Variants in GABRG3 observed in about 807,000 individuals in gnomAD.
GABRG3 encodes the protein gamma-aminobutyric acid type A receptor subunit gamma3, also known as gamma-aminobutyric acid receptor subunit gamma-3.
GABRG3 carries 25 observed loss-of-function variants against 48.8 expected under a neutral mutation model. The ratio of observed to expected loss-of-function variants is 0.51; its 90% CI spans 0.37 to 0.72. GABRG3 has a LOEUF of 0.72. Ranked by LOEUF, GABRG3 falls within the 30% of genes least tolerant of loss-of-function variation. The probability of loss-of-function intolerance (pLI) is 0.00; values close to 1 mark genes in which losing one functional copy is unlikely to be tolerated. For missense variants in GABRG3, 394 were observed against 577.9 expected (o/e 0.68, Z 3.26); for synonymous variants, 227 against 217.6 (o/e 1.04, Z -0.38).
chr15:27,514,927 AC>A (rs2150859874), intron 6 of GABRG3, among the ~76,000 whole-genome samples: 1 of 152,362 alleles, frequency 6.6e-6, no homozygotes, highest in African/African-American at 2.4e-5. Flanking sequence ...TAGAAGGAAA[AC>A]TAGGAGAAAA....
intron 3 of GABRG3, among the ~76,000 whole-genome samples, chr15:27,032,848 CTG>C (rs2140688395): frequency 6.6e-6 from 1 of 152,168 alleles, no homozygotes; most frequent in Admixed American, 6.5e-5. Flanking sequence ...CCTTGCCTCT[CTG>C]TAGGTCTGAG....
In GABRG3 at chr15:27,534,675, C is replaced by G. The variant is rs1159204587; in HGVS notation, c.*1794C>G. On this transcript the variant is annotated 3_prime_UTR_variant, in exon 10 of 10. Transcript: ENST00000615808. ...AAAAGTATCAATTTCACACAATGTC[C>G]TGGATGTATACCAGACACAGAAGAG... is the stretch of plus-strand genomic sequence containing the variant. 2.0e-5 allele frequency: 3 copies of G among 152,124 alleles called. No individual in the cohort carries two copies. Among genetic ancestry groups the G allele is most frequent in the African/African-American group, 7.2e-5 (3 of 41,402 alleles). 9.4% of individuals were successfully genotyped at this position (152,124 alleles called of 1,614,324 possible).
At chr15:27,003,698 C>A (rs1218763401) in intron 2 of GABRG3, among the ~76,000 whole-genome samples, 2 of 152,174 alleles carry the variant, frequency 1.3e-5, no homozygotes, top group Non-Finnish European at 2.9e-5. Flanking sequence ...TCCACAAAAC[C>A]GCCATTGTCA....
chr15:27,019,586 T>G (rs1010358962), intron 2 of GABRG3, among the ~76,000 whole-genome samples: 1 of 152,204 alleles, frequency 6.6e-6, no homozygotes, highest in African/African-American at 2.4e-5. Context: ...CTTATCATCC[T>G]TCATCTGTGG....
intron 9 of GABRG3, chr15:27,530,689 A>C (rs772548662): frequency 4.2e-6 from 2 of 471,098 alleles, no homozygotes; most frequent in Non-Finnish European, 8.8e-6. Flanking sequence ...CCGCATCAGC[A>C]GAGCCTTCTG....
At chr15:27,297,528 T>A (rs1892037551) in intron 3 of GABRG3, among the ~76,000 whole-genome samples, 1 of 152,224 alleles carries the variant, frequency 6.6e-6, no homozygotes, top group South Asian at 2.1e-4. Context: ...GTGTTACAAT[T>A]CCTTAGAATA....
intron 3 of GABRG3, among the ~76,000 whole-genome samples, chr15:27,253,201 G>A (rs1890515462): frequency 6.6e-6 from 1 of 152,234 alleles, no homozygotes. Flanking sequence ...GCACCGCAAA[G>A]GCTGGACGCA....
rs138390936 is a variant in GABRG3, at chr15:27,445,438, GT to G, written c.575-35210del. ...TTAAATTCCCTACATAGTCATTGAT[GT>G]TGAGCATCTTTTTATGTGTTTATTG... On this transcript the variant is annotated intron_variant, in intron 5 of 9. Transcript: ENST00000615808. Among the ~76,000 whole-genome samples the G allele has an allele frequency of 9.2e-3, 1,406 of 152,292 alleles. 16 individuals are homozygous for G. The highest frequency in any genetic ancestry group is 0.032 in the African/African-American group (1,332 of 41,556).
chr15:27,226,945 G>A (rs751976951), intron 3 of GABRG3, among the ~76,000 whole-genome samples: 3 of 152,104 alleles, frequency 2.0e-5, no homozygotes, highest in Non-Finnish European at 4.4e-5. Flanking sequence ...TCCTAAAGCA[G>A]TACTATTTAT....
chr15:27,187,243 A>G (rs1888127126), intron 3 of GABRG3, among the ~76,000 whole-genome samples: 1 of 151,912 alleles, frequency 6.6e-6, no homozygotes, highest in Admixed American at 6.6e-5. Context: ...GTAGGTGAGG[A>G]GCTTTATTTC....
chr15:27,351,047 G>C (rs1274197055), intron 5 of GABRG3, among the ~76,000 whole-genome samples: 3 of 147,770 alleles, frequency 2.0e-5, no homozygotes, highest in African/African-American at 7.7e-5. Flanking sequence ...TGGTGTATGT[G>C]CATATGGTGT....
intron 3 of GABRG3, among the ~76,000 whole-genome samples, chr15:27,283,519 A>C (rs1200017015): frequency 6.6e-6 from 1 of 152,164 alleles, no homozygotes; most frequent in Non-Finnish European, 1.5e-5. Context: ...CAGGAGAATC[A>C]CTTGAACCCG....
At chr15:27,518,402 T>G (rs1034406337) in intron 6 of GABRG3, among the ~76,000 whole-genome samples, 1 of 148,612 alleles carries the variant, frequency 6.7e-6, no homozygotes, top group Non-Finnish European at 1.5e-5. Flanking sequence ...AGTGATAGTC[T>G]TTTTCATTCA....
intron 3 of GABRG3, among the ~76,000 whole-genome samples, chr15:27,263,933 A>AAAAAAG (rs1566985255): frequency 9.9e-6 from 1 of 101,476 alleles, no homozygotes; most frequent in Non-Finnish European, 2.3e-5. Context: ...CAAAAAAAAA[A>AAAAAAG]AAAAAGAAAA....
chr15:27,109,591 G>T (rs1897509248), intron 3 of GABRG3, among the ~76,000 whole-genome samples: 1 of 152,260 alleles, frequency 6.6e-6, no homozygotes, highest in East Asian at 1.9e-4. Flanking sequence ...TATTTAAAAT[G>T]GTTTTCTCAG....
intron 5 of GABRG3, among the ~76,000 whole-genome samples, chr15:27,334,577 C>T (rs1231156318): frequency 1.3e-5 from 2 of 152,148 alleles, no homozygotes; most frequent in African/African-American, 4.8e-5. Flanking sequence ...CATGGCACTG[C>T]TGCTGTTAGC....
At chr15:26,980,852 T>C (rs1566899131) in intron 2 of GABRG3, among the ~76,000 whole-genome samples, 1 of 152,182 alleles carries the variant, frequency 6.6e-6, no homozygotes, top group Non-Finnish European at 1.5e-5. Context: ...CCCTTGAGAT[T>C]TTTTTCTTTA....
chr15:27,036,787 C>T (rs1354513237), intron 3 of GABRG3, among the ~76,000 whole-genome samples: 4 of 152,192 alleles, frequency 2.6e-5, no homozygotes, highest in Admixed American at 6.5e-5. Flanking sequence ...CAGTAGAATA[C>T]AGCTATGAAT....
chr15:27,491,951 G>A (rs1890367284), intron 6 of GABRG3, among the ~76,000 whole-genome samples: 1 of 152,076 alleles, frequency 6.6e-6, no homozygotes, highest in Admixed American at 6.5e-5. Flanking sequence ...TAATTTTTTA[G>A]TCATATCCCA....
Sources: allele counts gnomAD v4.1 joint callset (sites outside exome capture counted in the v4.1 genomes callset), GRCh38; gene constraint gnomAD v4.1.1; transcripts MANE v1.5; gene names NCBI Gene and HGNC (gene_info 2026-07-23, HGNC 2026-07-21).